The following PLCE1 variants were observed in gnomAD, a reference collection of about 807,000 sequenced individuals.
PLCE1 encodes the protein phospholipase C epsilon 1, also known as 1-phosphatidylinositol 4,5-bisphosphate phosphodiesterase epsilon-1.
A neutral mutation model predicts 242.8 loss-of-function variants in PLCE1; 119 were observed. The observed-to-expected ratio is 0.49, with a 90% CI of 0.42 to 0.57. The LOEUF is 0.57. PLCE1 is among the 20% of genes least tolerant of loss of function. The pLI is 0.00. For missense variants in PLCE1, 2,441 were observed against 2,788.8 expected (o/e 0.88, Z 2.81); for synonymous variants, 945 against 1,017.4 (o/e 0.93, Z 1.35).
At chr10:94,059,799 A>C (rs956969037) in intron 2 of PLCE1, among the ~76,000 whole-genome samples, 2 of 152,178 alleles carry the variant, frequency 1.3e-5, no homozygotes, top group Non-Finnish European at 2.9e-5. Context: ...TGACATTTAT[A>C]CTGCTTTTCT....
chr10:93,997,632 CTTTTTTTTTTTTTT>C (rs34338995), intron 1 of PLCE1, among the ~76,000 whole-genome samples: 8 of 79,872 alleles, frequency 1.0e-4, no homozygotes, highest in Admixed American at 3.1e-4. Flanking sequence ...AATAACCATC[CTTTTTTTTTTTTTT>C]TTTTTTTTTT....
At chr10:94,246,706 C>T (rs2050695776) in intron 8 of PLCE1, 85 bp downstream of exon 8, 2 of 1,264,230 alleles carry the variant, frequency 1.6e-6, no homozygotes, top group African/African-American at 1.5e-5. Context: ...GGTTCATGCT[C>T]CCAGCTCTGA....
chr10:94,243,639 A>G (rs1312207445), intron 7 of PLCE1, among the ~76,000 whole-genome samples: 1 of 152,264 alleles, frequency 6.6e-6, no homozygotes, highest in Non-Finnish European at 1.5e-5. Context: ...AATAATTATC[A>G]GGTGACTGAG....
intron 2 of PLCE1, among the ~76,000 whole-genome samples, chr10:94,052,353 C>G (rs566783004): frequency 1.3e-5 from 2 of 152,292 alleles, no homozygotes; most frequent in Non-Finnish European, 2.9e-5. Flanking sequence ...TGAGTCCCTC[C>G]TCCCTACTTC....
At chr10:94,303,366 G>A (rs2053101369) in intron 24 of PLCE1, among the ~76,000 whole-genome samples, 2 of 152,310 alleles carry the variant, frequency 1.3e-5, no homozygotes, top group African/African-American at 4.8e-5. Context: ...GCATTTGAGT[G>A]TGTAAGAGCC....
intron 24 of PLCE1, among the ~76,000 whole-genome samples, chr10:94,301,364 A>T (rs747500905): frequency 2.4e-4 from 37 of 152,026 alleles, no homozygotes; most frequent in South Asian, 2.1e-4. Context: ...AGAAAAAGAA[A>T]ATTATATATA....
At chr10:94,019,977 T>G (rs140835932) in intron 1 of PLCE1, among the ~76,000 whole-genome samples, 135 of 152,350 alleles carry the variant, frequency 8.9e-4, no homozygotes, top group Middle Eastern at 3.4e-3. Flanking sequence ...TAAACATTTT[T>G]GTATAAGTCT....
chr10:94,230,085 C>T (rs953731247), intron 5 of PLCE1, among the ~76,000 whole-genome samples: 3 of 152,060 alleles, frequency 2.0e-5, no homozygotes, highest in African/African-American at 7.2e-5. Context: ...AGAAAGCATA[C>T]TTATTAAGTG....
chr10:94,258,771 T>A (rs2051190815), intron 11 of PLCE1, 29 bp from the exon 12 acceptor site: 1 of 1,613,922 alleles, frequency 6.2e-7, no homozygotes, highest in African/African-American at 1.3e-5. Context: ...CCTGCCCTTG[T>A]GCCCATGAAG....
chr10:94,017,473 C>A (rs534349219), intron 1 of PLCE1, among the ~76,000 whole-genome samples: 1 of 152,016 alleles, frequency 6.6e-6, no homozygotes, highest in Non-Finnish European at 1.5e-5. Flanking sequence ...CCAAAACAAG[C>A]TATTAGAATG....
In PLCE1 at chr10:94,158,854, C is replaced by CTTTTTTTTTT. The variant is rs35760715; in HGVS notation, c.1493-12316_1493-12307dup. On this transcript the variant is annotated intron_variant, in intron 3 of 32. Coordinates refer to ENST00000371380, the MANE Select transcript of PLCE1 (RefSeq NM_016341.4). ...TATTTTAAATTTTCTTCTTCTTTTTCTTTTTTTTTTTTTTTTTTTGAGACG... is the reference window on the plus strand; with the variant it reads ...TATTTTAAATTTTCTTCTTCTTTTTCTTTTTTTTTTTTTTTTTTTTTTTTTTTTTGAGACG... 7.1e-3 allele frequency among the ~76,000 whole-genome samples: 790 copies of CTTTTTTTTTT among 111,432 alleles called. 7 individuals carry two copies. Among genetic ancestry groups the CTTTTTTTTTT allele is most frequent in the East Asian group, 0.026 (90 of 3,488 alleles). 73.1% of individuals were successfully genotyped at this position (111,432 alleles called of 152,430 possible).
intron 5 of PLCE1, among the ~76,000 whole-genome samples, chr10:94,231,492 G>C (rs1002771109): frequency 1.3e-5 from 2 of 151,906 alleles, no homozygotes; most frequent in South Asian, 4.2e-4. Flanking sequence ...ATGCTACATT[G>C]AGAGATCCTG....
In PLCE1 at chr10:94,032,164, TG is replaced by T. The variant is rs2061571459; in HGVS notation, c.1119del (p.Pro374LeufsTer5). Reference sequence around the variant, plus strand: ...GATCAGAAGAGAAATGGTCCCTTACTGCCTTGTGGGAGAGTAATGGAACCCC... The same window carrying T: ...GATCAGAAGAGAAATGGTCCCTTACTCCTTGTGGGAGAGTAATGGAACCCC... ...YIDQKRNGPL[L>X]PCGRVMEPPS... On this transcript the variant is annotated frameshift_variant, in exon 2 of 33. Coordinates refer to ENST00000371380, the MANE Select transcript of PLCE1 (RefSeq NM_016341.4). LOFTEE classifies it high-confidence loss of function. 6.2e-7 allele frequency: 1 copy of T among 1,610,258 alleles called. No individual in the cohort carries two copies. The highest frequency in any genetic ancestry group is 8.5e-7 in the Non-Finnish European group (1 of 1,179,026).
At position 94,331,312 on chromosome 10, in the gene PLCE1, C is replaced by A. The variant is rs576092894; in HGVS notation, c.*3369C>A. The A allele has an allele frequency of 6.6e-6, 1 of 152,156 alleles. No individual in the cohort carries two copies. Among genetic ancestry groups the A allele is most frequent in the Non-Finnish European group, 1.5e-5 (1 of 68,046 alleles). 9.4% of individuals were successfully genotyped at this position (152,156 alleles called of 1,614,324 possible). A position where few individuals can be genotyped will look rare whatever the true frequency, so the allele number is the denominator to read the frequency against. ...CCCTCTATGATATGTATCAATTTAC[C>A]TTTTGCTAACTACATCGTCCCCTTC... is the stretch of plus-strand genomic sequence containing the variant. On this transcript the variant is annotated 3_prime_UTR_variant, in exon 33 of 33. Coordinates refer to ENST00000371380, the MANE Select transcript of PLCE1 (RefSeq NM_016341.4).
At chr10:94,042,978 G>A (rs939236050) in intron 2 of PLCE1, among the ~76,000 whole-genome samples, 2 of 152,054 alleles carry the variant, frequency 1.3e-5, no homozygotes, top group East Asian at 3.9e-4. Context: ...CTGACCAACC[G>A]ACCTAAGTAT....
At chr10:94,229,607 A>G (rs2050073564) in intron 5 of PLCE1, among the ~76,000 whole-genome samples, 1 of 152,210 alleles carries the variant, frequency 6.6e-6, no homozygotes, top group Non-Finnish European at 1.5e-5. Flanking sequence ...ACCATGTTCT[A>G]GATTCTCTTA....
chr10:94,214,777 C>G (rs2049460734), intron 4 of PLCE1, among the ~76,000 whole-genome samples: 2 of 152,182 alleles, frequency 1.3e-5, no homozygotes, highest in Admixed American at 1.3e-4. Context: ...TTACCAGTGA[C>G]AGGTGCACAC....
chr10:94,304,748 T>C, intron 25 of PLCE1, 103 bp downstream of exon 25: 1 of 1,137,350 alleles, frequency 8.8e-7, no homozygotes, highest in Non-Finnish European at 1.3e-6. Context: ...ATGTCACAAT[T>C]TGGGTCATAC....
chr10:94,075,175 A>G (rs2044465430), intron 2 of PLCE1, among the ~76,000 whole-genome samples: 1 of 152,152 alleles, frequency 6.6e-6, no homozygotes, highest in Non-Finnish European at 1.5e-5. Context: ...TCGGTTCTGT[A>G]GTGCTTTGTT....
Sources: gnomAD v4.1 joint callset for allele counts (sites outside exome capture counted in the v4.1 genomes callset) on GRCh38, gnomAD v4.1.1 for gene constraint, MANE v1.5 for transcripts, NCBI Gene and HGNC (gene_info 2026-07-23, HGNC 2026-07-21) for gene names.